TNKS: variants seen among roughly 807,000 people sequenced by gnomAD.
TNKS encodes poly [ADP-ribose] polymerase tankyrase-1.
TNKS carries 72 observed loss-of-function variants against 135.8 expected under a neutral mutation model. The ratio of observed to expected loss-of-function variants is 0.53; its 90% CI spans 0.44 to 0.64. The LOEUF (loss-of-function observed/expected upper bound fraction) is 0.64, where lower values mean the gene tolerates loss of function less well. Among genes scored for constraint, TNKS ranks in the 30% least tolerant of loss-of-function variants. TNKS has a pLI of 0.00. For synonymous variants in TNKS, 849 were observed against 649.3 expected (o/e 1.31, Z -4.68); for missense variants, 1,769 against 1,674.0 (o/e 1.06, Z -0.99).
intron 2 of TNKS, among the ~76,000 whole-genome samples, chr8:9,598,388 A>G (rs569115391): frequency 6.6e-6 from 1 of 152,168 alleles, no homozygotes; most frequent in East Asian, 1.9e-4. Flanking sequence ...TTGAAAGCAG[A>G]ATCAAATTAT....
intron 1 of TNKS, among the ~76,000 whole-genome samples, chr8:9,569,326 C>T (rs573845412): frequency 6.6e-6 from 1 of 152,298 alleles, no homozygotes; most frequent in Middle Eastern, 3.4e-3. Flanking sequence ...ACAAAGTGAA[C>T]ACACCTGGGT....
intron 5 of TNKS, among the ~76,000 whole-genome samples, chr8:9,685,858 A>C (rs1585326306): frequency 1.3e-5 from 2 of 152,312 alleles, no homozygotes; most frequent in East Asian, 3.9e-4. Flanking sequence ...AACAAGAAAG[A>C]TGGAGGATTA....
intron 3 of TNKS, among the ~76,000 whole-genome samples, chr8:9,652,831 C>T (rs1248388796): frequency 6.6e-6 from 1 of 152,112 alleles, no homozygotes; most frequent in Non-Finnish European, 1.5e-5. Flanking sequence ...AGAGCGACCA[C>T]AGAAGATAAA....
intron 3 of TNKS, among the ~76,000 whole-genome samples, chr8:9,640,260 G>T (rs1221236462): frequency 6.6e-6 from 1 of 152,164 alleles, no homozygotes; most frequent in Admixed American, 6.5e-5. Flanking sequence ...GCCAGCATCT[G>T]GCCAGGGCCT....
In TNKS at chr8:9,780,351, G is replaced by C. The variant is rs956435453; in HGVS notation, c.*3615G>C. ...AGCCTTCTTCTTGTGTTTTCTGTTG[G>C]ACTAATTGTCTCACGTAAAGCTATA... On this transcript the variant is annotated 3_prime_UTR_variant, in exon 27 of 27. Transcript: ENST00000310430. The C allele has an allele frequency of 1.3e-5, 2 of 152,120 alleles. No individual in the cohort carries two copies. Among genetic ancestry groups the C allele is most frequent in the Non-Finnish European group, 2.9e-5 (2 of 68,012 alleles). 9.4% of individuals were successfully genotyped at this position (152,120 alleles called of 1,614,324 possible).
intron 2 of TNKS, among the ~76,000 whole-genome samples, chr8:9,612,844 C>CAGTT (rs79167249): frequency 0.29 from 44,055 of 151,880 alleles, 6,696 homozygotes; most frequent in East Asian, 0.39. Context: ...CATAAACAGT[C>CAGTT]AACACTTATT....
At chr8:9,719,700 C>T (rs2128812375) in intron 11 of TNKS, among the ~76,000 whole-genome samples, 1 of 152,266 alleles carries the variant, frequency 6.6e-6, no homozygotes, top group Admixed American at 6.5e-5. Context: ...TGATTGGGAT[C>T]TGCTGGAAGA....
At chr8:9,699,262 T>C (rs576251643) in intron 5 of TNKS, among the ~76,000 whole-genome samples, 1 of 152,352 alleles carries the variant, frequency 6.6e-6, no homozygotes, top group South Asian at 2.1e-4. Flanking sequence ...ACTTTTACCA[T>C]TGCTTTGCCA....
intron 1 of TNKS, among the ~76,000 whole-genome samples, chr8:9,561,375 C>G (rs997576548): frequency 6.6e-6 from 1 of 152,198 alleles, no homozygotes; most frequent in African/African-American, 2.4e-5. Context: ...AATCTTGTCA[C>G]TACCCCTTTT....
intron 11 of TNKS, among the ~76,000 whole-genome samples, chr8:9,714,243 T>C (rs1322450659): frequency 1.3e-5 from 2 of 152,096 alleles, no homozygotes; most frequent in African/African-American, 4.8e-5. Flanking sequence ...TTTAGAATCC[T>C]CCACTTTCTA....
intron 1 of TNKS, chr8:9,558,266 C>A (rs1029587672): frequency 1.3e-4 from 20 of 152,146 alleles, no homozygotes; most frequent in Admixed American, 1.2e-3. Context: ...TAAAGGAAAT[C>A]ATTGTTAGGT....
chr8:9,718,691 T>G (rs1470946183), intron 11 of TNKS, among the ~76,000 whole-genome samples: 1 of 152,160 alleles, frequency 6.6e-6, no homozygotes, highest in African/African-American at 2.4e-5. Context: ...GGGAATATGT[T>G]TTACCTCTAA....
At chr8:9,656,689 G>A (rs1419686808) in intron 3 of TNKS, among the ~76,000 whole-genome samples, 7 of 149,502 alleles carry the variant, frequency 4.7e-5, no homozygotes, top group Non-Finnish European at 8.9e-5. Flanking sequence ...GCAGGGTCAT[G>A]GGACAATAGT....
intron 3 of TNKS, among the ~76,000 whole-genome samples, chr8:9,670,533 A>G (rs1472799149): frequency 6.6e-6 from 1 of 152,192 alleles, no homozygotes; most frequent in Non-Finnish European, 1.5e-5. Flanking sequence ...TAGAGTATCA[A>G]CATTTCTACC....
chr8:9,743,217 T>C (rs568677465), intron 17 of TNKS, among the ~76,000 whole-genome samples: 2 of 152,196 alleles, frequency 1.3e-5, no homozygotes, highest in Non-Finnish European at 2.9e-5. Context: ...CAACTGTAGG[T>C]ATAGTGTTAC....
At chr8:9,675,082 T>G (rs542019520) in intron 3 of TNKS, among the ~76,000 whole-genome samples, 2 of 152,310 alleles carry the variant, frequency 1.3e-5, no homozygotes, top group East Asian at 3.9e-4. Flanking sequence ...TAGCAGAGTA[T>G]CAGTCTGTCT....
At chr8:9,724,938 A>C (rs1484938599) in intron 12 of TNKS, among the ~76,000 whole-genome samples, 1 of 149,970 alleles carries the variant, frequency 6.7e-6, no homozygotes, top group Non-Finnish European at 1.5e-5. Context: ...AAGTGCTGTC[A>C]TCGAAAAATA....
At chr8:9,686,024 C>T (rs1028045959) in intron 5 of TNKS, among the ~76,000 whole-genome samples, 1 of 152,120 alleles carries the variant, frequency 6.6e-6, no homozygotes, top group Non-Finnish European at 1.5e-5. Flanking sequence ...TTTGGAGATG[C>T]CTCAATAAAC....
chr8:9,637,519 A>G (rs976789734), intron 3 of TNKS, among the ~76,000 whole-genome samples: 5 of 152,066 alleles, frequency 3.3e-5, no homozygotes, highest in African/African-American at 1.2e-4. Flanking sequence ...CTTTTAATGC[A>G]CTGAGAGTGA....
Sources: gnomAD v4.1 joint callset for allele counts (sites outside exome capture counted in the v4.1 genomes callset) on GRCh38, gnomAD v4.1.1 for gene constraint, MANE v1.5 for transcripts, NCBI Gene and HGNC (gene_info 2026-07-23, HGNC 2026-07-21) for gene names.